ANK2: variants seen among roughly 807,000 people sequenced by gnomAD.
ANK2 encodes the protein ankyrin-2.
Under a neutral mutation model 360.5 loss-of-function variants are expected in ANK2, and 83 were observed. The ratio of observed to expected loss-of-function variants is 0.23; its 90% CI spans 0.19 to 0.28. The LOEUF is 0.28. Ranked by LOEUF, ANK2 falls within the 10% of genes least tolerant of loss-of-function variation. The pLI is 1.00. For missense variants in ANK2, 4,201 were observed against 4,795.7 expected (o/e 0.88, Z 3.66); for synonymous variants, 1,740 against 1,759.5 (o/e 0.99, Z 0.28).
the ANK2 span, among the ~76,000 whole-genome samples, chr4:112,745,388 A>G: frequency 1.3e-5 from 2 of 152,238 alleles, no homozygotes; most frequent in Non-Finnish European, 2.9e-5. Context: ...AATCACATCA[A>G]GGTAAATGGG....
At chr4:113,217,706 G>T (rs1430886932) in intron 4 of ANK2, among the ~76,000 whole-genome samples, 2 of 152,032 alleles carry the variant, frequency 1.3e-5, no homozygotes, top group Non-Finnish European at 2.9e-5. Flanking sequence ...ATGCTCACTC[G>T]CCGCCTCTCC....
At chr4:113,312,388 T>G (rs1283269268) in intron 24 of ANK2, among the ~76,000 whole-genome samples, 3 of 152,176 alleles carry the variant, frequency 2.0e-5, no homozygotes, top group Non-Finnish European at 4.4e-5. Context: ...TGTAAGCTAT[T>G]TTATGAATAT....
intron 4 of ANK2, among the ~76,000 whole-genome samples, chr4:113,229,240 G>A (rs2099262752): frequency 6.6e-6 from 1 of 152,212 alleles, no homozygotes; most frequent in African/African-American, 2.4e-5. Flanking sequence ...AAACCAAGAT[G>A]TTGGCATTGC....
chr4:113,344,067 A>G (rs531713498), intron 34 of ANK2, among the ~76,000 whole-genome samples: 3 of 152,260 alleles, frequency 2.0e-5, no homozygotes, highest in East Asian at 1.9e-4. Flanking sequence ...TTCTGGTTCA[A>G]TTGTTTTGCC....
At chr4:113,212,478 G>T (rs1308107812) in intron 4 of ANK2, among the ~76,000 whole-genome samples, 2 of 152,146 alleles carry the variant, frequency 1.3e-5, no homozygotes, top group African/African-American at 2.4e-5. Flanking sequence ...AAGCTATGAA[G>T]AAGAAGTTTT....
At chr4:112,890,221 G>GGAGAAA (rs938581143) in intron 1 of ANK2, among the ~76,000 whole-genome samples, 2 of 152,088 alleles carry the variant, frequency 1.3e-5, no homozygotes, top group African/African-American at 2.4e-5. Context: ...TTTCACAGTG[G>GGAGAAA]GAGAAAGAGA....
chr4:113,161,195 A>C (rs559320994), intron 1 of ANK2, among the ~76,000 whole-genome samples: 1 of 152,230 alleles, frequency 6.6e-6, no homozygotes, highest in Non-Finnish European at 1.5e-5. Flanking sequence ...GTACTCTTAC[A>C]CCAACAAATC....
chr4:112,779,216 T>C, the ANK2 span, among the ~76,000 whole-genome samples: 1 of 152,208 alleles, frequency 6.6e-6, no homozygotes, highest in Non-Finnish European at 1.5e-5. Context: ...ATAATTCTGC[T>C]TTTTAAAAAA....
At chr4:112,896,695 G>A (rs2081859861) in intron 1 of ANK2, among the ~76,000 whole-genome samples, 1 of 152,158 alleles carries the variant, frequency 6.6e-6, no homozygotes, top group Non-Finnish European at 1.5e-5. Flanking sequence ...CTATGTGGCT[G>A]GTTTGGATAA....
At chr4:112,958,086 G>A (rs1352870438) in intron 2 of ANK2, among the ~76,000 whole-genome samples, 2 of 151,580 alleles carry the variant, frequency 1.3e-5, no homozygotes, top group African/African-American at 4.9e-5. Flanking sequence ...TGGCGGCCGG[G>A]CAGAGACGCT....
intron 22 of ANK2, 35 bp downstream of exon 22, chr4:113,293,573 T>G: frequency 1.3e-6 from 2 of 1,571,702 alleles, no homozygotes; most frequent in Non-Finnish European, 1.7e-6. Context: ...TCAGCCCTGT[T>G]ATTCTTCGTT....
the ANK2 span, chr4:112,738,722 C>G: frequency 1.6e-6 from 1 of 614,978 alleles, no homozygotes; most frequent in African/African-American, 1.8e-5. Context: ...AAAAGAGAAC[C>G]AAGAAGTTCA....
the ANK2 span, among the ~76,000 whole-genome samples, chr4:112,730,862 C>G: frequency 6.7e-6 from 1 of 150,036 alleles, no homozygotes; most frequent in African/African-American, 2.4e-5. Context: ...AAAAAAAGAG[C>G]AGGCGCGGTG....
intron 26 of ANK2, among the ~76,000 whole-genome samples, chr4:113,329,558 A>G (rs924659456): frequency 6.6e-6 from 1 of 152,154 alleles, no homozygotes; most frequent in Non-Finnish European, 1.5e-5. Flanking sequence ...CTGAAATTTC[A>G]CTTCAAAAAT....
chr4:113,339,378 T>C (rs986765836), intron 32 of ANK2, 56 bp downstream of exon 32: 132 of 1,385,618 alleles, frequency 9.5e-5, no homozygotes, highest in Non-Finnish European at 1.3e-4. Flanking sequence ...CCAAAAAAAC[T>C]GCCCTTTGTT....
intron 26 of ANK2, among the ~76,000 whole-genome samples, chr4:113,323,102 TAGA>T (rs1024747566): frequency 1.1e-4 from 17 of 152,074 alleles, no homozygotes; most frequent in Admixed American, 2.6e-4. Context: ...GACTCATAGG[TAGA>T]AGAAGAGTGA....
chr4:113,320,633 T>C (rs991138410), intron 26 of ANK2, among the ~76,000 whole-genome samples: 7 of 151,986 alleles, frequency 4.6e-5, no homozygotes, highest in Non-Finnish European at 8.8e-5. Context: ...CCAGCCTGGG[T>C]GACAGAGTGA....
the ANK2 span, among the ~76,000 whole-genome samples, chr4:112,771,553 C>G: frequency 2.7e-5 from 4 of 150,212 alleles, no homozygotes; most frequent in East Asian, 7.8e-4. Context: ...AATAGGAGGA[C>G]AAAAGGGCAT....
intron 1 of ANK2, chr4:112,880,614 G>T (rs1208594258): frequency 6.6e-6 from 1 of 152,200 alleles, no homozygotes; most frequent in Admixed American, 6.5e-5. Flanking sequence ...GAGATTAAAA[G>T]AAAGATTCAT....
Sources: gnomAD v4.1 joint callset for allele counts (sites outside exome capture counted in the v4.1 genomes callset) on GRCh38, gnomAD v4.1.1 for gene constraint, MANE v1.5 for transcripts, NCBI Gene and HGNC (gene_info 2026-07-23, HGNC 2026-07-21) for gene names.